The following BAHCC1 variants were observed in gnomAD, a reference collection of about 807,000 sequenced individuals.
BAHCC1 encodes the protein BAH domain and coiled-coil containing 1.
A neutral mutation model predicts 88.2 loss-of-function variants in BAHCC1; 43 were observed. The ratio of observed to expected loss-of-function variants is 0.49; its 90% CI spans 0.38 to 0.63. The LOEUF is 0.63. Ranked by LOEUF, BAHCC1 falls within the 20% of genes least tolerant of loss-of-function variation. The pLI, the probability that BAHCC1 is intolerant of heterozygous loss-of-function variation, is 0.00. For missense variants in BAHCC1, 3,023 were observed against 1,654.8 expected, an observed-to-expected ratio of 1.83 and a Z score of -14.34; for synonymous variants, 1,510 against 745.5, an observed-to-expected ratio of 2.03 and a Z score of -16.71.
intron 2 of BAHCC1, among the ~76,000 whole-genome samples, chr17:81,403,352 T>C (rs1187710865): frequency 6.6e-6 from 1 of 152,132 alleles, no homozygotes; most frequent in Non-Finnish European, 1.5e-5. Context: ...GGGGTGTAAA[T>C]TGCTGAAGCC....
rs1170552080 is a variant in BAHCC1, at chr17:81,404,344, AAAT to A, written c.178+4434_178+4436del. Among the ~76,000 whole-genome samples, 21 of 152,358 alleles carry A rather than the reference AAAT, an allele frequency of 1.4e-4. No individual in the cohort carries two copies. The East Asian group carries it at 4.1e-3, about 29-fold the overall frequency. ...ACGGGAACTTGGTTCAAGCTAATAA[AAAT>A]AATAATTTACTAGCCACTGAGCTTT... On this transcript the variant is annotated intron_variant, in intron 2 of 27. Coordinates refer to ENST00000675386, the MANE Select transcript of BAHCC1 (RefSeq NM_001377448.1).
intron 26 of BAHCC1, chr17:81,462,429 C>T (rs75013294): frequency 2.0e-6 from 1 of 500,096 alleles, no homozygotes; most frequent in South Asian, 2.9e-5. Flanking sequence ...CATGTGGGGC[C>T]ACTCGTGGGT....
intron 4 of BAHCC1, among the ~76,000 whole-genome samples, chr17:81,441,236 G>A (rs2064409568): frequency 6.6e-6 from 1 of 152,238 alleles, no homozygotes; most frequent in South Asian, 2.1e-4. Context: ...GCGGTTCGGG[G>A]AGGTGAGAGG....
At chr17:81,459,737 A>G in intron 23 of BAHCC1, 133 bp downstream of exon 23, 1 of 563,424 alleles carries the variant, frequency 1.8e-6, no homozygotes, top group Non-Finnish European at 3.3e-6. Context: ...GTACGACAAT[A>G]AAATGAGCTC....
chr17:81,464,034 G>C lies in BAHCC1; in HGVS notation c.*217G>C, dbSNP rs1249006447. ...CCAGTCCCGTCCCATCCTCTGCGGA[G>C]GGTCGGGCTGTGGCCCTCATGGGTC... On this transcript the variant is annotated 3_prime_UTR_variant, in exon 28 of 28. Transcript: ENST00000675386. 5 of 586,252 alleles carry C rather than the reference G, an allele frequency of 8.5e-6. No homozygotes were observed. Among genetic ancestry groups the C allele is most frequent in the Non-Finnish European group, 1.2e-5 (4 of 327,598 alleles). 36.3% of individuals were successfully genotyped at this position (586,252 alleles called of 1,614,324 possible). A position where few individuals can be genotyped will look rare whatever the true frequency, so the allele number is the denominator to read the frequency against.
intron 2 of BAHCC1, among the ~76,000 whole-genome samples, chr17:81,414,052 CGT>C (rs2063988650): frequency 6.6e-6 from 1 of 152,198 alleles, no homozygotes; most frequent in South Asian, 2.1e-4. Context: ...GTGGTCTGAG[CGT>C]GTCTCTAGAC....
Position 81,435,599 on chromosome 17 carries a change from A to C in BAHCC1, c.359-2771A>C. 1 of 433,652 alleles carries C rather than the reference A, an allele frequency of 2.3e-6. No homozygotes were observed. Among genetic ancestry groups the C allele is most frequent in the Admixed American group, 2.5e-5 (1 of 39,678 alleles). The allele number at this position is 433,652 out of a possible 1,614,324, so 26.9% of individuals were successfully genotyped here. On this transcript the variant is annotated intron_variant, in intron 3 of 27. Coordinates refer to ENST00000675386, the MANE Select transcript of BAHCC1 (RefSeq NM_001377448.1). The surrounding 1 kb of genome is among the most constrained non-coding windows in gnomAD (Gnocchi z 4.4). ...CCCCGACGTTCTAGCAGGAGCTTGC[A>C]GTTGAGGACCTCTGGCTCTGGGTTC...
chr17:81,400,984 C>T (rs2063808940), intron 2 of BAHCC1: 2 of 152,514 alleles, frequency 1.3e-5, no homozygotes, highest in Admixed American at 6.5e-5. Flanking sequence ...ACAGTTTGTT[C>T]TAAACATCAG....
At chr17:81,422,436 T>C (rs1555649707) in intron 2 of BAHCC1, among the ~76,000 whole-genome samples, 1 of 152,204 alleles carries the variant, frequency 6.6e-6, no homozygotes, top group Non-Finnish European at 1.5e-5. Context: ...GTGAAAGAGA[T>C]CCCCAGATCA....
At chr17:81,448,006 C>T (rs1422469962) in intron 11 of BAHCC1, among the ~76,000 whole-genome samples, 158 bp downstream of exon 11, 2 of 152,254 alleles carry the variant, frequency 1.3e-5, no homozygotes, top group African/African-American at 4.8e-5. Context: ...CTTGCCGTCC[C>T]TCGTCCATGG....
At position 81,402,300 on chromosome 17, in the gene BAHCC1, G is replaced by A. The variant is rs147407864; in HGVS notation, c.178+2383G>A. 11 of 152,322 alleles carry A rather than the reference G, an allele frequency of 7.2e-5. No individual in the cohort carries two copies. The East Asian group carries it at 2.1e-3, about 29-fold the overall frequency. 9.4% of individuals were successfully genotyped at this position (152,322 alleles called of 1,614,324 possible). A position where few individuals can be genotyped will look rare whatever the true frequency, so the allele number is the denominator to read the frequency against. On this transcript the variant is annotated intron_variant, in intron 2 of 27. Coordinates refer to ENST00000675386, the MANE Select transcript of BAHCC1 (RefSeq NM_001377448.1). The stretch of plus-strand genomic sequence containing the variant: ...CAGCTAGAAGCATCTGTAGCTGAAA[G>A]AAAGCCTTTTGAAATTGTTAAGAGC...
At chr17:81,403,481 CAA>C (rs61540149) in intron 2 of BAHCC1, among the ~76,000 whole-genome samples, 26,482 of 141,632 alleles carry the variant, frequency 0.19, 2,542 homozygotes, top group Non-Finnish European at 0.21. Flanking sequence ...CCGCCAATCT[CAA>C]AAAAAAAAAA....
rs989467912 is a variant in BAHCC1 at position 81,399,965 on chromosome 17, G to A, written c.178+48G>A. 15 of 1,275,426 alleles carry A rather than the reference G, an allele frequency of 1.2e-5. No homozygotes were observed. Among genetic ancestry groups the A allele is most frequent in the African/African-American group, 1.6e-5 (1 of 63,664 alleles). The allele number at this position is 1,275,426 out of a possible 1,614,324, so 79.0% of individuals were successfully genotyped here. A position where few individuals can be genotyped will look rare whatever the true frequency, so the allele number is the denominator to read the frequency against. Reference sequence around the variant, plus strand: ...CGCGGGACGGGAGCGTTCGAGAGCGGAACAGGGCGCCCACCCCTCCGCTCC... The same window carrying A: ...CGCGGGACGGGAGCGTTCGAGAGCGAAACAGGGCGCCCACCCCTCCGCTCC... On this transcript the variant is annotated intron_variant, in intron 2 of 27. Coordinates refer to ENST00000675386, the MANE Select transcript of BAHCC1 (RefSeq NM_001377448.1). The surrounding 1 kb of genome is among the most constrained non-coding windows in gnomAD (Gnocchi z 4.5).
intron 2 of BAHCC1, among the ~76,000 whole-genome samples, chr17:81,406,149 C>T (rs532320520): frequency 9.2e-5 from 14 of 152,246 alleles, no homozygotes; most frequent in Non-Finnish European, 1.9e-4. Context: ...AGCCCTCCCT[C>T]AAGACAGGCA....
chr17:81,442,400 G>C lies in BAHCC1; in HGVS notation c.1051G>C (p.Ala351Pro). Residue 351 changes from alanine to proline, a missense_variant, in exon 5 of 28, where the codon GCC (alanine) becomes CCC (proline). Transcript: ENST00000675386. ...GATGCTACACCACACCGCATCCTACGCCGGGCCACCCCCGCCCCTCAGCAC... is the reference window on the plus strand; with the variant it reads ...GATGCTACACCACACCGCATCCTACCCCGGGCCACCCCCGCCCCTCAGCAC... ...RQMLHHTASY[A>P]GPPPPLSTAA... 1.4e-6 allele frequency: 1 copy of C among 698,538 alleles called. No homozygotes were observed. The highest frequency in any genetic ancestry group is 2.6e-6 in the Non-Finnish European group (1 of 377,988). The allele number at this position is 698,538 out of a possible 1,614,324, so 43.3% of individuals were successfully genotyped here.
At chr17:81,414,554 G>A (rs550647461) in intron 2 of BAHCC1, among the ~76,000 whole-genome samples, 4 of 152,248 alleles carry the variant, frequency 2.6e-5, no homozygotes, top group Admixed American at 6.5e-5. Flanking sequence ...CACCCACCTC[G>A]CCCGCTCCCC....
intron 2 of BAHCC1, chr17:81,413,057 C>A: frequency 2.5e-6 from 1 of 404,046 alleles, no homozygotes; most frequent in Middle Eastern, 3.5e-4. Context: ...CCAGGTCCCG[C>A]CCACACCAAG....
At chr17:81,419,546 T>G (rs1473517902) in intron 2 of BAHCC1, among the ~76,000 whole-genome samples, 1 of 151,134 alleles carries the variant, frequency 6.6e-6, no homozygotes, top group Non-Finnish European at 1.5e-5. Flanking sequence ...GTCCCCCGCC[T>G]GGGCGGGCCC....
intron 2 of BAHCC1, among the ~76,000 whole-genome samples, chr17:81,420,676 G>A (rs1482366045): frequency 6.6e-6 from 1 of 152,268 alleles, no homozygotes; most frequent in Non-Finnish European, 1.5e-5. Context: ...TGGGGCCAGA[G>A]CCCGGTCTGG....
Sources: allele counts gnomAD v4.1 joint callset (sites outside exome capture counted in the v4.1 genomes callset), GRCh38; gene constraint gnomAD v4.1.1; non-coding constraint Gnocchi (gnomAD v3.1); transcripts MANE v1.5; gene names NCBI Gene and HGNC (gene_info 2026-07-23, HGNC 2026-07-21).